RARB: variants seen among roughly 807,000 people sequenced by gnomAD.
The protein encoded by RARB is retinoic acid receptor beta, also known as HBV-activated protein.
RARB carries 17 observed loss-of-function variants against 51.9 expected under a neutral mutation model. The observed-to-expected ratio is 0.33, with a 90% CI of 0.22 to 0.49. The LOEUF (loss-of-function observed/expected upper bound fraction) is 0.49. Ranked by LOEUF, RARB falls within the 20% of genes least tolerant of loss-of-function variation. RARB has a pLI of 0.99. For missense variants in RARB, 369 were observed against 550.8 expected (o/e 0.67, Z 3.30); for synonymous variants, 215 against 195.4 (o/e 1.10, Z -0.84).
chr3:25,094,970 C>A (rs1699268414), intron 3 of RARB, among the ~76,000 whole-genome samples: 1 of 152,078 alleles, frequency 6.6e-6, no homozygotes, highest in Non-Finnish European at 1.5e-5. Context: ...CAAATAGTTA[C>A]CTCATTTGAC....
intron 5 of RARB, among the ~76,000 whole-genome samples, chr3:25,283,030 G>A (rs749404128): frequency 3.3e-5 from 5 of 152,084 alleles, no homozygotes; most frequent in Non-Finnish European, 7.3e-5. Flanking sequence ...TTCCCTTTTC[G>A]GATGAGCAAC....
chr3:25,499,926 T>A (rs1697212961), intron 2 of RARB, among the ~76,000 whole-genome samples: 1 of 152,178 alleles, frequency 6.6e-6, no homozygotes, highest in Non-Finnish European at 1.5e-5. Flanking sequence ...TAGACAAAAA[T>A]TATGTGTAAT....
chr3:25,024,845 A>G (rs1316047016), intron 2 of RARB, among the ~76,000 whole-genome samples: 6 of 148,390 alleles, frequency 4.0e-5, no homozygotes, highest in Admixed American at 6.8e-5. Flanking sequence ...CCCAGCTACT[A>G]TGGAGGCTGA....
At chr3:25,339,721 G>A (rs1218144425) in intron 5 of RARB, among the ~76,000 whole-genome samples, 3 of 152,090 alleles carry the variant, frequency 2.0e-5, no homozygotes, top group African/African-American at 2.4e-5. Flanking sequence ...CCGTGGTTTG[G>A]ATGTTAAGAG....
intron 3 of RARB, among the ~76,000 whole-genome samples, chr3:25,106,565 A>G (rs1699508755): frequency 6.7e-6 from 1 of 149,628 alleles, no homozygotes; most frequent in African/African-American, 2.5e-5. Flanking sequence ...ATCCTCCCAA[A>G]GTGCTGGGTT....
intron 1 of RARB, among the ~76,000 whole-genome samples, chr3:24,833,858 G>A (rs1438716094): frequency 6.6e-6 from 1 of 152,166 alleles, no homozygotes; most frequent in East Asian, 1.9e-4. Context: ...CATACCAGTT[G>A]ATAAGTATTT....
chr3:24,871,622 A>G (rs561668997), intron 2 of RARB, among the ~76,000 whole-genome samples: 75 of 152,266 alleles, frequency 4.9e-4, no homozygotes, highest in African/African-American at 1.5e-3. Flanking sequence ...CTTGCATTCA[A>G]TGTTCTCGCC....
chr3:25,124,918 T>C (rs1699837859), intron 3 of RARB, among the ~76,000 whole-genome samples: 1 of 152,186 alleles, frequency 6.6e-6, no homozygotes, highest in Non-Finnish European at 1.5e-5. Context: ...AACATGTAAT[T>C]CATTTGGTTA....
At chr3:25,213,444 A>G (rs1250815845) in intron 5 of RARB, among the ~76,000 whole-genome samples, 1 of 152,148 alleles carries the variant, frequency 6.6e-6, no homozygotes, top group Non-Finnish European at 1.5e-5. Flanking sequence ...TGAATATACC[A>G]CATCTCATTT....
intron 3 of RARB, among the ~76,000 whole-genome samples, chr3:25,122,635 C>A (rs952501609): frequency 3.2e-4 from 48 of 152,110 alleles, no homozygotes; most frequent in African/African-American, 1.1e-3. Context: ...ATATCACTTT[C>A]CTCATGTTCT....
chr3:25,434,887 G>A (rs1348024567), intron 1 of RARB, among the ~76,000 whole-genome samples: 1 of 151,942 alleles, frequency 6.6e-6, no homozygotes, highest in Non-Finnish European at 1.5e-5. Flanking sequence ...ATCTGCATCA[G>A]ATGACAACAT....
chr3:24,836,586 C>T (rs1702348512), intron 1 of RARB, among the ~76,000 whole-genome samples: 1 of 152,160 alleles, frequency 6.6e-6, no homozygotes, highest in Non-Finnish European at 1.5e-5. Flanking sequence ...ACTAGAAGCC[C>T]AAGACCTTAC....
chr3:24,935,077 T>G (rs1265011077), intron 2 of RARB, among the ~76,000 whole-genome samples: 1 of 152,160 alleles, frequency 6.6e-6, no homozygotes, highest in African/African-American at 2.4e-5. Context: ...GGGGTGGATA[T>G]TTTTGAAAGG....
chr3:25,281,010 G>A (rs779080611), intron 5 of RARB, among the ~76,000 whole-genome samples: 4 of 152,148 alleles, frequency 2.6e-5, no homozygotes, highest in Non-Finnish European at 5.9e-5. Context: ...ACATACTTTT[G>A]TCAAAGTCAG....
rs551949445 is a variant in RARB at position 25,158,792 on chromosome 3, T to C, written c.-279-15327T>C. Among the ~76,000 whole-genome samples, 7 of 152,356 alleles carry C rather than the reference T, an allele frequency of 4.6e-5. No homozygotes were observed. The South Asian group carries it at 1.2e-3, about 27-fold the overall frequency. ...CCAGTGCAGGCACGTAGGAAGGCTGTGCTCCATACAACTATTCAGAGACCC... is the reference window on the plus strand; with the variant it reads ...CCAGTGCAGGCACGTAGGAAGGCTGCGCTCCATACAACTATTCAGAGACCC... On this transcript the variant is annotated intron_variant, in intron 4 of 11. Transcript: ENST00000383772.
At chr3:24,883,667 T>C (rs1376712904) in intron 2 of RARB, among the ~76,000 whole-genome samples, 1 of 152,040 alleles carries the variant, frequency 6.6e-6, no homozygotes, top group East Asian at 1.9e-4. Flanking sequence ...AGCCTTTCAT[T>C]CCTGTTAAAT....
At chr3:25,585,554 C>G (rs554509325) in intron 5 of RARB, among the ~76,000 whole-genome samples, 3 of 152,274 alleles carry the variant, frequency 2.0e-5, no homozygotes, top group African/African-American at 7.2e-5. Context: ...GATAATGATT[C>G]ACTTGTGATT....
At chr3:25,081,176 T>G (rs1325397835) in intron 3 of RARB, among the ~76,000 whole-genome samples, 1 of 152,156 alleles carries the variant, frequency 6.6e-6, no homozygotes, top group Non-Finnish European at 1.5e-5. Context: ...CAAAATATTT[T>G]TAAATTATCC....
intron 5 of RARB, among the ~76,000 whole-genome samples, chr3:25,284,874 GC>G (rs1703612184): frequency 6.6e-6 from 1 of 152,174 alleles, no homozygotes; most frequent in South Asian, 2.1e-4. Flanking sequence ...CACAGGGCTC[GC>G]TGCAGACTTG....
Sources: allele counts gnomAD v4.1 joint callset (sites outside exome capture counted in the v4.1 genomes callset), GRCh38; gene constraint gnomAD v4.1.1; transcripts MANE v1.5; gene names NCBI Gene and HGNC (gene_info 2026-07-23, HGNC 2026-07-21).